The following TNFSF4 variants were observed in gnomAD, a reference collection of about 807,000 sequenced individuals.
The protein encoded by TNFSF4 is tumor necrosis factor ligand superfamily member 4.
In TNFSF4, 4 loss-of-function variants were observed where a neutral mutation model predicts 7.3. The ratio of observed to expected loss-of-function variants is 0.55; its 90% CI spans 0.27 to 1.25. The LOEUF is 1.25. TNFSF4 is among the 50% of genes most tolerant of loss of function. The pLI is 0.12. For missense variants in TNFSF4, 181 were observed against 208.8 expected, an observed-to-expected ratio of 0.87 and a Z score of 0.82; for synonymous variants, 76 against 83.7, an observed-to-expected ratio of 0.91 and a Z score of 0.50.
At chr1:173,220,880 G>T in the TNFSF4 span, among the ~76,000 whole-genome samples, 3 of 152,058 alleles carry the variant, frequency 2.0e-5, no homozygotes, top group African/African-American at 7.2e-5. Flanking sequence ...GTTAAATGCT[G>T]TGACCCACAT....
downstream of TNFSF4, among the ~76,000 whole-genome samples, chr1:173,181,583 G>C (rs1649055915): frequency 2.0e-5 from 3 of 152,076 alleles, no homozygotes; most frequent in South Asian, 6.2e-4. Flanking sequence ...GATTTCTCAA[G>C]GGCTCTGGCA....
the TNFSF4 span, among the ~76,000 whole-genome samples, chr1:173,322,795 C>G: frequency 6.6e-6 from 1 of 152,222 alleles, no homozygotes; most frequent in Non-Finnish European, 1.5e-5. Flanking sequence ...ACTGCTAGCA[C>G]AGCAGCCTGA....
At chr1:173,299,951 T>C in the TNFSF4 span, among the ~76,000 whole-genome samples, 1 of 151,714 alleles carries the variant, frequency 6.6e-6, no homozygotes, top group Admixed American at 6.6e-5. Context: ...TGTCAACTGC[T>C]CACATGGCCA....
the TNFSF4 span, among the ~76,000 whole-genome samples, chr1:173,218,955 T>C: frequency 6.6e-6 from 1 of 152,338 alleles, no homozygotes; most frequent in East Asian, 1.9e-4. Context: ...AGCTGCATCA[T>C]TTCCCTTGGG....
chr1:173,332,413 T>C, the TNFSF4 span, among the ~76,000 whole-genome samples: 1 of 152,122 alleles, frequency 6.6e-6, no homozygotes, highest in Admixed American at 6.6e-5. Flanking sequence ...GGATTGAACA[T>C]GTAGCTACTC....
the TNFSF4 span, among the ~76,000 whole-genome samples, chr1:173,398,291 C>A: frequency 6.6e-6 from 1 of 151,908 alleles, no homozygotes; most frequent in Non-Finnish European, 1.5e-5. Context: ...CATTGAGGAC[C>A]TAGTGAGCAA....
At chr1:173,253,083 C>T in the TNFSF4 span, among the ~76,000 whole-genome samples, 1 of 152,156 alleles carries the variant, frequency 6.6e-6, no homozygotes, top group African/African-American at 2.4e-5. Context: ...TTGGCTGACC[C>T]TTCAATTTTG....
the TNFSF4 span, among the ~76,000 whole-genome samples, chr1:173,394,205 A>C: frequency 1.4e-5 from 2 of 145,030 alleles, no homozygotes; most frequent in Non-Finnish European, 3.0e-5. Context: ...AACATAGCAA[A>C]ACTCCATCTT....
At chr1:173,223,939 C>T in the TNFSF4 span, among the ~76,000 whole-genome samples, 10 of 152,110 alleles carry the variant, frequency 6.6e-5, no homozygotes, top group African/African-American at 2.4e-4. Context: ...GACATACACC[C>T]GGGGGGTTGC....
the TNFSF4 span, among the ~76,000 whole-genome samples, chr1:173,228,003 T>C: frequency 6.6e-6 from 1 of 152,156 alleles, no homozygotes; most frequent in Non-Finnish European, 1.5e-5. Context: ...AGACTCCACC[T>C]CTGGGGGCGG....
chr1:173,429,399 C>T, the TNFSF4 span, among the ~76,000 whole-genome samples: 1 of 152,216 alleles, frequency 6.6e-6, no homozygotes, highest in African/African-American at 2.4e-5. Flanking sequence ...ATTCTTGTAG[C>T]ATCTGTTAGG....
At chr1:173,412,117 GA>G in the TNFSF4 span, among the ~76,000 whole-genome samples, 2,862 of 120,434 alleles carry the variant, frequency 0.024, 99 homozygotes, top group African/African-American at 0.089. Context: ...TCCATCTCAA[GA>G]AAAAAAAAAA....
the TNFSF4 span, among the ~76,000 whole-genome samples, chr1:173,355,359 C>T: frequency 1.5e-3 from 230 of 152,250 alleles, 1 homozygote; most frequent in African/African-American, 5.4e-3. Context: ...GACATCTTTG[C>T]GGGGTCGGGG....
At chr1:173,328,701 A>C in the TNFSF4 span, among the ~76,000 whole-genome samples, 1 of 152,196 alleles carries the variant, frequency 6.6e-6, no homozygotes, top group Middle Eastern at 3.4e-3. Flanking sequence ...AATAAAAATA[A>C]ATAAAACTGC....
the TNFSF4 span, among the ~76,000 whole-genome samples, chr1:173,296,456 C>A: frequency 6.6e-6 from 1 of 151,838 alleles, no homozygotes; most frequent in Non-Finnish European, 1.5e-5. Context: ...TAAACACACA[C>A]AAAAAAATAC....
upstream of TNFSF4, among the ~76,000 whole-genome samples, chr1:173,208,937 A>G (rs1485943601): frequency 1.3e-5 from 2 of 152,204 alleles, no homozygotes; most frequent in Non-Finnish European, 2.9e-5. Flanking sequence ...ATCGTAGATA[A>G]CATTTTTAAA....
chr1:173,218,729 T>TTAGTTACTG, the TNFSF4 span, among the ~76,000 whole-genome samples: 85 of 152,314 alleles, frequency 5.6e-4, no homozygotes, highest in African/African-American at 2.0e-3. Flanking sequence ...CATTGATCTC[T>TTAGTTACTG]TAGTTACTGC....
the TNFSF4 span, among the ~76,000 whole-genome samples, chr1:173,416,638 T>TATTTTTTGAGAGA: frequency 9.1e-6 from 1 of 110,084 alleles, no homozygotes; most frequent in African/African-American, 3.3e-5. Flanking sequence ...ATTTATTTTT[T>TATTTTTTGAGAGA]GAGAGAGAGA....
the TNFSF4 span, among the ~76,000 whole-genome samples, chr1:173,312,304 T>C: frequency 1.3e-5 from 2 of 152,118 alleles, no homozygotes; most frequent in African/African-American, 4.8e-5. Flanking sequence ...AGCATTTCAA[T>C]TTTCATTTCA....
Sources: gnomAD v4.1 joint callset for allele counts (sites outside exome capture counted in the v4.1 genomes callset) on GRCh38, gnomAD v4.1.1 for gene constraint, MANE v1.5 for transcripts, NCBI Gene and HGNC (gene_info 2026-07-23, HGNC 2026-07-21) for gene names.